Variants in OR1L3 observed in about 807,000 individuals in gnomAD.
OR1L3 encodes the protein olfactory receptor family 1 subfamily L member 3.
For synonymous variants in OR1L3, 137 were observed against 144.5 expected (o/e 0.95, Z 0.37); for missense variants, 374 against 386.4 (o/e 0.97, Z 0.27).
In OR1L3 at chr9:122,675,933, C is replaced by T. The variant is rs1363492568; in HGVS notation, c.804C>T (p.Val268=). 6.2e-7 allele frequency: 1 copy of T among 1,614,108 alleles called. No individual in the cohort carries two copies. The highest frequency in any genetic ancestry group is 8.5e-7 in the Non-Finnish European group (1 of 1,180,016). ...VYLQPLSSYT[V]KDRIATINYT... The stretch of plus-strand genomic sequence containing the variant: ...TGCAGCCTTTGTCCAGCTATACTGT[C>T]AAGGACCGAATAGCAACAATCAACT... Residue 268 remains valine (V), a synonymous_variant, in exon 1 of 1, where the codon GTC becomes GTT. Transcript: ENST00000304820.
Position 122,675,165 on chromosome 9 carries a change from T to G in OR1L3, c.36T>G (p.Phe12Leu). ...CCAACCTGACAAGACTCTCTGAATT[T>G]ATTCTCTTGGGACTCTCCTCTCGGT... ...GMSNLTRLSE[F>L]ILLGLSSRSE... Residue 12 changes from phenylalanine to leucine, a missense_variant, in exon 1 of 1, where the codon TTT (phenylalanine) becomes TTG (leucine). Phe to Leu is a conservative substitution (Grantham distance 22). Coordinates refer to ENST00000304820, the MANE Select transcript of OR1L3 (RefSeq NM_001005234.1). The G allele has an allele frequency of 6.2e-7, 1 of 1,611,506 alleles. No individual in the cohort carries two copies. The highest frequency in any genetic ancestry group is 8.5e-7 in the Non-Finnish European group (1 of 1,179,060).
Position 122,675,714 on chromosome 9 carries a change from T to C in OR1L3, c.585T>C (p.Asn195=). 1 of 1,614,158 alleles carries C rather than the reference T, an allele frequency of 6.2e-7. No homozygotes were observed. The highest frequency in any genetic ancestry group is 2.2e-5 in the East Asian group (1 of 44,884). ...LKLSCSSTFV[N]EIVAMTEGLA... ...TGTCCTGCTCCTCCACCTTTGTCAA[T>C]GAAATTGTGGCCATGACAGAAGGGC... Residue 195 remains asparagine, a synonymous_variant, in exon 1 of 1, where the codon AAT becomes AAC. Transcript: ENST00000304820.
chr9:122,676,022 G>T lies in OR1L3; in HGVS notation c.893G>T (p.Arg298Leu), dbSNP rs368246350. Residue 298 changes from arginine to leucine, a missense_variant, in exon 1 of 1, where the codon CGG (arginine) becomes CTG (leucine). Coordinates refer to ENST00000304820, the MANE Select transcript of OR1L3 (RefSeq NM_001005234.1). ...AGTTTAAGAAACAAAGACATGAAAC[G>T]GGGCTTACAGAAATTGATAAACAAG... ...IYSLRNKDMK[R>L]GLQKLINKIK... is the part of the protein sequence containing the mutation. 1.2e-6 allele frequency: 2 copies of T among 1,612,918 alleles called. No individual in the cohort carries two copies. The highest frequency in any genetic ancestry group is 2.2e-5 in the South Asian group (2 of 90,786).
chr9:122,675,695 G>A lies in OR1L3; in HGVS notation c.566G>A (p.Cys189Tyr). 3 of 1,613,988 alleles carry A rather than the reference G, an allele frequency of 1.9e-6. No individual in the cohort carries two copies. The highest frequency in any genetic ancestry group is 2.5e-6 in the Non-Finnish European group (3 of 1,180,004). ...GTCAACCCTGTGCTGAAACTGTCCTGCTCCTCCACCTTTGTCAATGAAATT... is the reference window on the plus strand; with the variant it reads ...GTCAACCCTGTGCTGAAACTGTCCTACTCCTCCACCTTTGTCAATGAAATT... ...CDVNPVLKLSCSSTFVNEIVA... is the reference protein window; with the variant it reads ...CDVNPVLKLSYSSTFVNEIVA... Residue 189 changes from cysteine (C) to tyrosine (Y), a missense_variant, in exon 1 of 1, where the codon TGC becomes TAC. By Grantham distance (194) the Cys-to-Tyr change is radical. Transcript: ENST00000304820.
At position 122,675,859 on chromosome 9, in the gene OR1L3, C is replaced by T. The variant is rs1224510486; in HGVS notation, c.730C>T (p.His244Tyr). 1.2e-6 allele frequency: 2 copies of T among 1,613,986 alleles called. No individual in the cohort carries two copies. The highest frequency in any genetic ancestry group is 1.7e-6 in the Non-Finnish European group (2 of 1,180,026). Residue 244 changes from histidine to tyrosine, a missense_variant, in exon 1 of 1, where the codon CAT (histidine) becomes TAT (tyrosine). By Grantham distance (83) the His-to-Tyr change is moderately conservative. Coordinates refer to ENST00000304820, the MANE Select transcript of OR1L3 (RefSeq NM_001005234.1). ...CAAAGCCTTCTCCACCTGCAGCTCC[C>T]ATCTCACTGTGGTGATTCTGTTTTA... ...KHKAFSTCSS[H>Y]LTVVILFYGS...
In OR1L3 at chr9:122,675,488, T is replaced by A; in HGVS notation, c.359T>A (p.Ile120Asn). The A allele has an allele frequency of 6.2e-7, 1 of 1,614,236 alleles. No homozygotes were observed. The highest frequency in any genetic ancestry group is 8.5e-7 in the Non-Finnish European group (1 of 1,180,036). Residue 120 changes from isoleucine to asparagine, a missense_variant, in exon 1 of 1, where the codon ATC becomes AAC. Physicochemically the swap from Ile to Asn is moderately radical, Grantham distance 149. Coordinates refer to ENST00000304820, the MANE Select transcript of OR1L3 (RefSeq NM_001005234.1). ...AGTTATCTCCTGGCGGCTATGGCCA[T>A]CAACCGCTGTGTAGCCATTTGTAAC... Reference protein sequence around the residue: ...IDSYLLAAMAINRCVAICNPF... With the variant: ...IDSYLLAAMANNRCVAICNPF...
chr9:122,675,942 A>G lies in OR1L3; in HGVS notation c.813A>G (p.Arg271=). Reference sequence around the variant, plus strand: ...TGTCCAGCTATACTGTCAAGGACCGAATAGCAACAATCAACTACACTGTGT... The same window carrying G: ...TGTCCAGCTATACTGTCAAGGACCGGATAGCAACAATCAACTACACTGTGT... The part of the protein sequence containing the change: ...QPLSSYTVKD[R]IATINYTVLT... The change falls in exon 1 of 1, where the codon CGA becomes CGG. Residue 271 remains arginine (R), a synonymous_variant. Coordinates refer to ENST00000304820, the MANE Select transcript of OR1L3 (RefSeq NM_001005234.1). 3 of 1,614,148 alleles carry G rather than the reference A, an allele frequency of 1.9e-6. No homozygotes were observed. The highest frequency in any genetic ancestry group is 2.5e-6 in the Non-Finnish European group (3 of 1,180,022).
At position 122,676,063 on chromosome 9, in the gene OR1L3, A is replaced by G. The variant is rs2118856170; in HGVS notation, c.934A>G (p.Ser312Gly). Residue 312 changes from serine (S) to glycine (G), a missense_variant, in exon 1 of 1, where the codon AGT becomes GGT. Physicochemically the swap from Ser to Gly is moderately conservative, Grantham distance 56. Transcript: ENST00000304820. ...KLINKIKSQM[S>G]RFSTKTNKIC... The stretch of plus-strand genomic sequence containing the variant: ...GATAAACAAGATTAAGTCTCAAATG[A>G]GTAGGTTCTCTACAAAGACCAATAA... 1 of 1,602,952 alleles carries G rather than the reference A, an allele frequency of 6.2e-7. No individual in the cohort carries two copies. The highest frequency in any genetic ancestry group is 8.5e-7 in the Non-Finnish European group (1 of 1,176,328).
At position 122,675,229 on chromosome 9, in the gene OR1L3, A is replaced by T; in HGVS notation, c.100A>T (p.Ile34Leu). 6.2e-7 allele frequency: 1 copy of T among 1,614,132 alleles called. No homozygotes were observed. The highest frequency in any genetic ancestry group is 8.5e-7 in the Non-Finnish European group (1 of 1,180,010). The change falls in exon 1 of 1, where the codon ATA becomes TTA. Residue 34 changes from isoleucine to leucine, a missense_variant. Physicochemically the swap from Ile to Leu is conservative, Grantham distance 5. Coordinates refer to ENST00000304820, the MANE Select transcript of OR1L3 (RefSeq NM_001005234.1). ...QRPLFALFLI[I>L]YLVTLMGNLL... ...GCCACTCTTTGCCCTCTTTCTTATC[A>T]TATACCTGGTCACTTTGATGGGAAA...
rs764111043 is a variant in OR1L3 at position 122,675,403 on chromosome 9, A to G, written c.274A>G (p.Ile92Val). 4.6e-5 allele frequency: 74 copies of G among 1,614,218 alleles called. No homozygotes were observed. The highest frequency in any genetic ancestry group is 6.3e-5 in the Non-Finnish European group (74 of 1,180,034). ...GAACTTCTTATCAGAGAAAAAGACC[A>G]TTTCCTATGCTGAATGTCTGGCACA... The part of the protein sequence containing the change: ...LVNFLSEKKT[I>V]SYAECLAQMY... Residue 92 changes from isoleucine (I) to valine (V), a missense_variant, in exon 1 of 1, where the codon ATT (isoleucine) becomes GTT (valine). Ile to Val is a conservative substitution (Grantham distance 29). Coordinates refer to ENST00000304820, the MANE Select transcript of OR1L3 (RefSeq NM_001005234.1).
At position 122,675,363 on chromosome 9, in the gene OR1L3, C is replaced by T. The variant is rs539260978; in HGVS notation, c.234C>T (p.Val78=). The change falls in exon 1 of 1, where the codon GTC becomes GTT. Residue 78 remains valine (V), a synonymous_variant. Coordinates refer to ENST00000304820, the MANE Select transcript of OR1L3 (RefSeq NM_001005234.1). ...FADICYTTVI[V]PKMLVNFLSE... ...ATATTTGCTACACAACAGTCATAGT[C>T]CCAAAGATGCTCGTGAACTTCTTAT... 1 of 1,614,072 alleles carries T rather than the reference C, an allele frequency of 6.2e-7. No homozygotes were observed. Among genetic ancestry groups the T allele is most frequent in the African/African-American group, 1.3e-5 (1 of 74,916 alleles).
rs1469518199 is a variant in OR1L3, at chr9:122,675,924, C to T, written c.795C>T (p.Ser265=). The change falls in exon 1 of 1, where the codon AGC becomes AGT. Residue 265 remains serine (S), a synonymous_variant. Coordinates refer to ENST00000304820, the MANE Select transcript of OR1L3 (RefSeq NM_001005234.1). The part of the protein sequence containing the change: ...ISYVYLQPLS[S]YTVKDRIATI... ...ATGTCTATTTGCAGCCTTTGTCCAGCTATACTGTCAAGGACCGAATAGCAA... is the reference window on the plus strand; with the variant it reads ...ATGTCTATTTGCAGCCTTTGTCCAGTTATACTGTCAAGGACCGAATAGCAA... 6.2e-7 allele frequency: 1 copy of T among 1,613,948 alleles called. No individual in the cohort carries two copies.
At position 122,675,189 on chromosome 9, in the gene OR1L3, G is replaced by A; in HGVS notation, c.60G>A (p.Arg20=). The change falls in exon 1 of 1, where the codon CGG becomes CGA. Residue 20 remains arginine (R), a synonymous_variant. Coordinates refer to ENST00000304820, the MANE Select transcript of OR1L3 (RefSeq NM_001005234.1). ...TTATTCTCTTGGGACTCTCCTCTCGGTCTGAAGACCAGAGGCCACTCTTTG... is the reference window on the plus strand; with the variant it reads ...TTATTCTCTTGGGACTCTCCTCTCGATCTGAAGACCAGAGGCCACTCTTTG... ...SEFILLGLSS[R]SEDQRPLFAL... 6.2e-7 allele frequency: 1 copy of A among 1,613,696 alleles called. No homozygotes were observed. The highest frequency in any genetic ancestry group is 8.5e-7 in the Non-Finnish European group (1 of 1,179,746).
Position 122,675,844 on chromosome 9 carries a change from T to C in OR1L3, c.715T>C (p.Ser239Pro), listed in dbSNP as rs764831378. The change falls in exon 1 of 1, where the codon TCC becomes CCC. Residue 239 changes from serine to proline, a missense_variant. Ser to Pro is a moderately conservative substitution (Grantham distance 74). Coordinates refer to ENST00000304820, the MANE Select transcript of OR1L3 (RefSeq NM_001005234.1). ...AGCAGCTGGAAAACACAAAGCCTTC[T>C]CCACCTGCAGCTCCCATCTCACTGT... ...PSAAGKHKAF[S>P]TCSSHLTVVI... The C allele has an allele frequency of 2.5e-6, 4 of 1,614,038 alleles. No individual in the cohort carries two copies. Among genetic ancestry groups the C allele is most frequent in the Admixed American group, 3.3e-5 (2 of 59,982 alleles).
chr9:122,675,705 C>G lies in OR1L3; in HGVS notation c.576C>G (p.Thr192=). The change falls in exon 1 of 1, where the codon ACC becomes ACG. Residue 192 remains threonine (T), a synonymous_variant. Transcript: ENST00000304820. ...TGCTGAAACTGTCCTGCTCCTCCAC[C>G]TTTGTCAATGAAATTGTGGCCATGA... is the stretch of plus-strand genomic sequence containing the variant. ...NPVLKLSCSS[T]FVNEIVAMTE... 1 of 1,614,084 alleles carries G rather than the reference C, an allele frequency of 6.2e-7. No homozygotes were observed. Among genetic ancestry groups the G allele is most frequent in the Non-Finnish European group, 8.5e-7 (1 of 1,180,030 alleles).
Position 122,675,561 on chromosome 9 carries a change from A to G in OR1L3, c.432A>G (p.Leu144=), listed in dbSNP as rs776965522. 1.2e-6 allele frequency: 2 copies of G among 1,614,150 alleles called. No individual in the cohort carries two copies. Among genetic ancestry groups the G allele is most frequent in the Admixed American group, 1.7e-5 (1 of 60,018 alleles). The part of the protein sequence containing the change: ...TVMNRRCCVL[L]LAFPITFSYF... Reference sequence around the variant, plus strand: ...TGAACCGCAGATGCTGTGTGTTGCTACTAGCATTCCCCATCACTTTCTCCT... The same window carrying G: ...TGAACCGCAGATGCTGTGTGTTGCTGCTAGCATTCCCCATCACTTTCTCCT... The change falls in exon 1 of 1, where the codon CTA becomes CTG. Residue 144 remains leucine (L), a synonymous_variant. Coordinates refer to ENST00000304820, the MANE Select transcript of OR1L3 (RefSeq NM_001005234.1).
In OR1L3 at chr9:122,675,643, A is replaced by T. The variant is rs1334871829; in HGVS notation, c.514A>T (p.Asn172Tyr). The change falls in exon 1 of 1, where the codon AAT becomes TAT. Residue 172 changes from asparagine (N) to tyrosine (Y), a missense_variant. Coordinates refer to ENST00000304820, the MANE Select transcript of OR1L3 (RefSeq NM_001005234.1). ...GAATCGGCTCACCTTTTGTACATCA[A>T]ATGTTATCCATCATTTTTTTTGTGA... ...LVNRLTFCTS[N>Y]VIHHFFCDVN... 8.7e-6 allele frequency: 14 copies of T among 1,613,990 alleles called. No homozygotes were observed. The highest frequency in any genetic ancestry group is 1.2e-5 in the Non-Finnish European group (14 of 1,180,010).
Position 122,675,246 on chromosome 9 carries a change from G to T in OR1L3, c.117G>T (p.Leu39Phe). Residue 39 changes from leucine (L) to phenylalanine (F), a missense_variant, in exon 1 of 1, where the codon TTG becomes TTT. Physicochemically the swap from Leu to Phe is conservative, Grantham distance 22 (BLOSUM62 0). Coordinates refer to ENST00000304820, the MANE Select transcript of OR1L3 (RefSeq NM_001005234.1). ...ALFLIIYLVT[L>F]MGNLLIILAI... ...TTCTTATCATATACCTGGTCACTTTGATGGGAAATCTGCTCATCATCTTGG... is the reference window on the plus strand; with the variant it reads ...TTCTTATCATATACCTGGTCACTTTTATGGGAAATCTGCTCATCATCTTGG... The T allele has an allele frequency of 6.2e-7, 1 of 1,614,132 alleles. No individual in the cohort carries two copies.
rs751576666 is a variant in OR1L3, at chr9:122,675,690, G to C, written c.561G>C (p.Leu187=). The C allele has an allele frequency of 6.2e-7, 1 of 1,614,068 alleles. No homozygotes were observed. The highest frequency in any genetic ancestry group is 1.7e-5 in the Admixed American group (1 of 60,002). Residue 187 remains leucine (L), a synonymous_variant, in exon 1 of 1, where the codon CTG becomes CTC. Transcript: ENST00000304820. ...FFCDVNPVLK[L]SCSSTFVNEI... is the part of the protein sequence containing the mutation. ...GTGATGTCAACCCTGTGCTGAAACT[G>C]TCCTGCTCCTCCACCTTTGTCAATG...
Sources: gnomAD v4.1 joint callset for allele counts on GRCh38, gnomAD v4.1.1 for gene constraint, MANE v1.5 for transcripts, NCBI Gene and HGNC (gene_info 2026-07-23, HGNC 2026-07-21) for gene names.